Variants in PRKAR1B observed in about 807,000 individuals in gnomAD.
PRKAR1B encodes cAMP-dependent protein kinase type I-beta regulatory subunit.
PRKAR1B carries 22 observed loss-of-function variants against 46.5 expected under a neutral mutation model. That is an observed-to-expected ratio of 0.47 (90% CI 0.34 to 0.68). The LOEUF is 0.68. Among genes scored for constraint, PRKAR1B ranks in the 30% least tolerant of loss-of-function variants. PRKAR1B has a pLI of 0.01. For missense variants in PRKAR1B, 445 were observed against 535.6 expected (o/e 0.83, Z 1.67); for synonymous variants, 259 against 217.7 (o/e 1.19, Z -1.67).
At chr7:568,941 G>A (rs973901827) in intron 9 of PRKAR1B, among the ~76,000 whole-genome samples, 5 of 151,962 alleles carry the variant, frequency 3.3e-5, no homozygotes, top group Admixed American at 6.6e-5. Context: ...GGGGCCCGCG[G>A]GGGGTGGTTC....
rs112189919 is a variant in PRKAR1B, at chr7:563,451, C to T, written c.892-11981G>A. On this transcript the variant is annotated intron_variant, in intron 9 of 10. Coordinates refer to ENST00000537384, the MANE Select transcript of PRKAR1B (RefSeq NM_001164760.2). ...ACTCAGCAGGCGTCCAACAGCCCCC[C>T]GGCTTGGGTGGGCCAAGACCCACAA... 6.1e-3 allele frequency among the ~76,000 whole-genome samples: 934 copies of T among 152,400 alleles called. 12 individuals are homozygous for T. The highest frequency in any genetic ancestry group is 0.021 in the African/African-American group (890 of 41,598).
intron 4 of PRKAR1B, among the ~76,000 whole-genome samples, chr7:626,008 C>CAAAAAAAAAAAAAAAA (rs71016892): frequency 9.0e-6 from 1 of 110,588 alleles, no homozygotes. Context: ...AACTCCATCT[C>CAAAAAAAAAAAAAAAA]AAAAAAAAAA....
rs866704280 is a variant in PRKAR1B at position 560,630 on chromosome 7, G to C, written c.892-9160C>G. On this transcript the variant is annotated intron_variant, in intron 9 of 10. Transcript: ENST00000537384. The surrounding 1 kb of genome is among the most constrained non-coding windows in gnomAD (Gnocchi z 4.2). ...CCGCAGACCAAGAGTCGAAGAGTCT[G>C]GGTCCAGCCTCAGCTCTGCAATGCA... 6.6e-6 allele frequency among the ~76,000 whole-genome samples: 1 copy of C among 152,244 alleles called. No homozygotes were observed. The highest frequency in any genetic ancestry group is 1.9e-4 in the East Asian group (1 of 5,178).
At chr7:635,962 C>T (rs963658027) in intron 4 of PRKAR1B, among the ~76,000 whole-genome samples, 2 of 116,868 alleles carry the variant, frequency 1.7e-5, no homozygotes, top group Non-Finnish European at 3.8e-5. Context: ...CCGGCCGCGC[C>T]CTCACGTCCT....
chr7:675,241 G>A (rs1350769849), intron 4 of PRKAR1B, among the ~76,000 whole-genome samples: 2 of 152,210 alleles, frequency 1.3e-5, no homozygotes, highest in South Asian at 2.1e-4. Flanking sequence ...TTATATGGAA[G>A]GACTTCCTAG....
intron 6 of PRKAR1B, 43 bp from the exon 7 acceptor site, chr7:596,347 G>A (rs1781265213): frequency 6.3e-7 from 1 of 1,579,116 alleles, no homozygotes; most frequent in Non-Finnish European, 8.6e-7. Flanking sequence ...GGCCAGGCAG[G>A]GTGACCTCCT....
rs555070851 is a variant in PRKAR1B, at chr7:714,335, C to G, written c.-22-2808G>C. 3.9e-5 allele frequency among the ~76,000 whole-genome samples: 6 copies of G among 152,156 alleles called. No individual in the cohort carries two copies. The highest frequency in any genetic ancestry group is 1.4e-4 in the African/African-American group (6 of 41,430). ...ACCTCACAGGACAGCCCTCTGATCCCGAGGCGCACACACAAGCCCTCCTTC... is the reference window on the plus strand; with the variant it reads ...ACCTCACAGGACAGCCCTCTGATCCGGAGGCGCACACACAAGCCCTCCTTC... On this transcript the variant is annotated intron_variant, in intron 1 of 10. Coordinates refer to ENST00000537384, the MANE Select transcript of PRKAR1B (RefSeq NM_001164760.2). This position sits in a 1 kb window ranked among gnomAD's most constrained non-coding sequence, Gnocchi z 4.3.
intron 8 of PRKAR1B, among the ~76,000 whole-genome samples, chr7:583,685 G>A (rs9769843): frequency 0.42 from 57,578 of 137,492 alleles, 12,140 homozygotes; most frequent in African/African-American, 0.49. Context: ...CAACCCACAC[G>A]GTGCACTCAC....
At chr7:687,215 A>C (rs1562617316) in intron 2 of PRKAR1B, among the ~76,000 whole-genome samples, 1 of 152,270 alleles carries the variant, frequency 6.6e-6, no homozygotes, top group Non-Finnish European at 1.5e-5. Flanking sequence ...AGACAAGATC[A>C]TGTAATCAAA....
At position 550,085 on chromosome 7, in the gene PRKAR1B, T is replaced by G; in HGVS notation, c.*345A>C. The G allele has an allele frequency of 3.4e-6, 1 of 297,068 alleles. No individual in the cohort carries two copies. The highest frequency in any genetic ancestry group is 3.3e-5 in the South Asian group (1 of 30,672). 18.4% of individuals were successfully genotyped at this position (297,068 alleles called of 1,614,324 possible). On this transcript the variant is annotated 3_prime_UTR_variant, in exon 11 of 11. Transcript: ENST00000537384. The stretch of plus-strand genomic sequence containing the variant: ...CCCCAGGGGCAACGTCCTGGCCTGG[T>G]TCTGGGGAGGACCGATCCTCAAGCA...
At chr7:565,564 C>T (rs929274678) in intron 9 of PRKAR1B, 4 of 152,214 alleles carry the variant, frequency 2.6e-5, no homozygotes, top group African/African-American at 7.2e-5. Flanking sequence ...GAGTTTCCGT[C>T]GCCAACAGAA....
At chr7:615,325 T>C (rs538118912) in intron 4 of PRKAR1B, among the ~76,000 whole-genome samples, 2 of 151,612 alleles carry the variant, frequency 1.3e-5, no homozygotes, top group South Asian at 4.2e-4. Context: ...CCCGGGAGGC[T>C]GAGGCAGGAG....
At chr7:581,227 C>A (rs1412935806) in intron 8 of PRKAR1B, among the ~76,000 whole-genome samples, 2 of 149,474 alleles carry the variant, frequency 1.3e-5, no homozygotes, top group African/African-American at 2.5e-5. Context: ...GGCGTGAACC[C>A]GGGAGGCGGA....
At chr7:551,766 G>A (rs1371930547) in intron 9 of PRKAR1B, among the ~76,000 whole-genome samples, 74 of 63,538 alleles carry the variant, frequency 1.2e-3, no homozygotes, top group African/African-American at 1.8e-3. Flanking sequence ...CCTCCCGCCC[G>A]GGTCCTTCCC....
At chr7:680,157 CAAAAAAA>C (rs372918350) in intron 3 of PRKAR1B, among the ~76,000 whole-genome samples, 208 of 73,678 alleles carry the variant, frequency 2.8e-3, no homozygotes, top group African/African-American at 3.3e-3. Context: ...GACTCTGTTT[CAAAAAAA>C]AAAAAAAAAA....
At chr7:581,001 C>T (rs1780150281) in intron 8 of PRKAR1B, among the ~76,000 whole-genome samples, 1 of 152,102 alleles carries the variant, frequency 6.6e-6, no homozygotes, top group Admixed American at 6.6e-5. Context: ...TGACCAGCTT[C>T]CTAAAAACAG....
At chr7:687,182 T>C (rs1583419609) in intron 2 of PRKAR1B, among the ~76,000 whole-genome samples, 1 of 151,914 alleles carries the variant, frequency 6.6e-6, no homozygotes, top group Admixed American at 6.6e-5. Flanking sequence ...GGGAACTCAA[T>C]CAAAAACAAC....
chr7:715,148 G>T (rs76787496), intron 1 of PRKAR1B, among the ~76,000 whole-genome samples: 6,104 of 152,216 alleles, frequency 0.04, 161 homozygotes, highest in Non-Finnish European at 0.063. Flanking sequence ...TCCAGCCTGG[G>T]CAGCAAAAGA....
chr7:662,220 G>A (rs1234479845), intron 4 of PRKAR1B, among the ~76,000 whole-genome samples: 55 of 29,168 alleles, frequency 1.9e-3, no homozygotes, highest in Admixed American at 2.4e-3. Flanking sequence ...CCACCCCAAC[G>A]GGTCCAAATA....
Sources: gnomAD v4.1 joint callset for allele counts (sites outside exome capture counted in the v4.1 genomes callset) on GRCh38, gnomAD v4.1.1 for gene constraint, Gnocchi (gnomAD v3.1) non-coding constraint, MANE v1.5 for transcripts, NCBI Gene and HGNC (gene_info 2026-07-23, HGNC 2026-07-21) for gene names.